PRKN: variants seen among roughly 807,000 people sequenced by gnomAD.
The protein encoded by PRKN is parkin RBR E3 ubiquitin protein ligase.
In PRKN, 56 loss-of-function variants were observed where a neutral mutation model predicts 59.5. That is an observed-to-expected ratio of 0.94 (90% confidence interval 0.76 to 1.18). The LOEUF (loss-of-function observed/expected upper bound fraction) is 1.18. Among genes scored for constraint, PRKN ranks in the 50% most tolerant of loss-of-function variants. The probability of loss-of-function intolerance (pLI) is 0.00; values close to 1 mark genes in which losing one functional copy is unlikely to be tolerated. For missense variants in PRKN, 657 were observed against 596.4 expected (o/e 1.10, Z -1.06); for synonymous variants, 250 against 222.1 (o/e 1.13, Z -1.12).
intron 1 of PRKN, among the ~76,000 whole-genome samples, chr6:162,639,265 A>T (rs1422228920): frequency 6.6e-6 from 1 of 152,102 alleles, no homozygotes; most frequent in Non-Finnish European, 1.5e-5. Context: ...CTGTTAAAGT[A>T]CGAGTTTCAA....
At chr6:161,569,003 C>A (rs1246363013) in intron 8 of PRKN, among the ~76,000 whole-genome samples, 2 of 152,088 alleles carry the variant, frequency 1.3e-5, no homozygotes, top group East Asian at 3.9e-4. Context: ...CACACATTCA[C>A]CCACAGACAG....
chr6:161,940,700 C>A (rs527703949), intron 6 of PRKN, among the ~76,000 whole-genome samples: 33 of 152,132 alleles, frequency 2.2e-4, no homozygotes, highest in Non-Finnish European at 3.5e-4. Context: ...TATTTCAGAT[C>A]CTGAAAAAGA....
At chr6:161,748,072 A>C (rs975735193) in intron 7 of PRKN, among the ~76,000 whole-genome samples, 7 of 152,340 alleles carry the variant, frequency 4.6e-5, no homozygotes, top group African/African-American at 1.7e-4. Context: ...AGCATTAGAA[A>C]GGAAGTAGCT....
At chr6:162,324,433 T>C (rs1783174794) in intron 2 of PRKN, among the ~76,000 whole-genome samples, 1 of 152,154 alleles carries the variant, frequency 6.6e-6, no homozygotes, top group Non-Finnish European at 1.5e-5. Flanking sequence ...TATTGTATGT[T>C]GATTATGCCT....
At chr6:162,493,999 T>C (rs1054828699) in intron 1 of PRKN, among the ~76,000 whole-genome samples, 2 of 152,208 alleles carry the variant, frequency 1.3e-5, no homozygotes, top group Non-Finnish European at 1.5e-5. Flanking sequence ...GATGATTACA[T>C]GGCCTTTACC....
chr6:162,266,783 G>A (rs1199251223), intron 2 of PRKN, among the ~76,000 whole-genome samples: 2 of 152,156 alleles, frequency 1.3e-5, no homozygotes, highest in Non-Finnish European at 2.9e-5. Flanking sequence ...ATGATACATC[G>A]TTGGTAGTAT....
Position 161,964,552 on chromosome 6 carries a change from T to A in PRKN, c.734+8750A>T, listed in dbSNP as rs1780506543. On this transcript the variant is annotated intron_variant, in intron 6 of 11. Coordinates refer to ENST00000366898, the MANE Select transcript of PRKN (RefSeq NM_004562.3). ...TATCTTTGAAGTTTTCTCTTTCATCTTAAAAAGTTGTAAGATTTTCCATTC... is the reference window on the plus strand; with the variant it reads ...TATCTTTGAAGTTTTCTCTTTCATCATAAAAAGTTGTAAGATTTTCCATTC... Among the ~76,000 whole-genome samples the A allele has an allele frequency of 2.0e-5, 3 of 152,190 alleles. No homozygotes were observed. The South Asian group carries it at 6.2e-4, about 31-fold the overall frequency.
chr6:161,594,061 G>A (rs1781824750), intron 7 of PRKN, among the ~76,000 whole-genome samples: 1 of 151,912 alleles, frequency 6.6e-6, no homozygotes, highest in Non-Finnish European at 1.5e-5. Flanking sequence ...TACTTGAGGG[G>A]CTGAGGCAGG....
chr6:161,557,268 G>T (rs1439126980), intron 8 of PRKN, among the ~76,000 whole-genome samples: 1 of 151,472 alleles, frequency 6.6e-6, no homozygotes, highest in East Asian at 1.9e-4. Context: ...AGAACAAAAA[G>T]TATTCATTTT....
At chr6:162,259,306 G>T (rs1191217548) in intron 3 of PRKN, among the ~76,000 whole-genome samples, 1 of 152,180 alleles carries the variant, frequency 6.6e-6, no homozygotes, top group African/African-American at 2.4e-5. Flanking sequence ...AGAACAACAG[G>T]TAGGATCCAT....
At chr6:161,735,538 A>G (rs1274084764) in intron 7 of PRKN, among the ~76,000 whole-genome samples, 4 of 152,192 alleles carry the variant, frequency 2.6e-5, no homozygotes, top group Admixed American at 2.0e-4. Flanking sequence ...TTGGAGAGTC[A>G]AAAGTTGTAC....
chr6:161,616,295 G>T (rs923519184), intron 7 of PRKN, among the ~76,000 whole-genome samples: 2 of 152,106 alleles, frequency 1.3e-5, no homozygotes, highest in Non-Finnish European at 2.9e-5. Context: ...GGGAGGGGCC[G>T]GACTCATCCC....
At chr6:161,491,784 C>T (rs895479927) in intron 9 of PRKN, among the ~76,000 whole-genome samples, 1 of 152,082 alleles carries the variant, frequency 6.6e-6, no homozygotes, top group African/African-American at 2.4e-5. Flanking sequence ...GTGCCTGCCA[C>T]CATGCCCGAC....
chr6:162,421,496 C>T (rs1277718162), intron 2 of PRKN, among the ~76,000 whole-genome samples: 1 of 152,104 alleles, frequency 6.6e-6, no homozygotes, highest in Admixed American at 6.5e-5. Flanking sequence ...GAAATGTTAA[C>T]CTATTATGTA....
At chr6:161,883,655 TA>T (rs200472064) in intron 6 of PRKN, among the ~76,000 whole-genome samples, 10 of 152,084 alleles carry the variant, frequency 6.6e-5, no homozygotes, top group African/African-American at 9.6e-5. Context: ...TTTTTATTTT[TA>T]TTTTTTTTAT....
intron 2 of PRKN, among the ~76,000 whole-genome samples, chr6:162,414,660 A>C (rs1156653621): frequency 1.4e-5 from 2 of 145,080 alleles, no homozygotes; most frequent in Admixed American, 7.1e-5. Context: ...GCAGTGAACC[A>C]AGATCGCACC....
At chr6:162,248,013 T>TAAG (rs1779268670) in intron 3 of PRKN, among the ~76,000 whole-genome samples, 1 of 152,144 alleles carries the variant, frequency 6.6e-6, no homozygotes, top group Admixed American at 6.5e-5. Flanking sequence ...AACAATATAC[T>TAAG]TTATACTTAA....
At position 162,053,703 on chromosome 6, in the gene PRKN, G is replaced by T. The variant is rs576321679; in HGVS notation, c.618+388C>A. On this transcript the variant is annotated intron_variant, in intron 5 of 11. Coordinates refer to ENST00000366898, the MANE Select transcript of PRKN (RefSeq NM_004562.3). ...AAAAAAAATCAATTTTGAATGATGG[G>T]GAATATAAATATAAAATATCACTGG... Among the ~76,000 whole-genome samples the T allele has an allele frequency of 2.0e-5, 3 of 152,172 alleles. No homozygotes were observed. The South Asian group carries it at 6.2e-4, about 32-fold the overall frequency.
At chr6:162,506,251 CAAAA>C (rs10528135) in intron 1 of PRKN, among the ~76,000 whole-genome samples, 22,896 of 94,848 alleles carry the variant, frequency 0.24, 1,558 homozygotes, top group East Asian at 0.48. Context: ...AAAGAGGAAG[CAAAA>C]AAAAAAAAAA....
Sources: gnomAD v4.1 joint callset for allele counts (sites outside exome capture counted in the v4.1 genomes callset) on GRCh38, gnomAD v4.1.1 for gene constraint, MANE v1.5 for transcripts, NCBI Gene and HGNC (gene_info 2026-07-23, HGNC 2026-07-21) for gene names.